Variants in WDPCP observed in about 807,000 individuals in gnomAD.
The protein encoded by WDPCP is WD repeat-containing and planar cell polarity effector protein fritz homolog.
Under a neutral mutation model 93.1 loss-of-function variants are expected in WDPCP, and 71 were observed. The ratio of observed to expected loss-of-function variants is 0.76; its 90% CI spans 0.63 to 0.93. WDPCP has a LOEUF of 0.93. Among genes scored for constraint, WDPCP ranks in the 40% least tolerant of loss-of-function variants. WDPCP has a pLI of 0.00. For missense variants in WDPCP, 844 were observed against 887.4 expected (o/e 0.95, Z 0.62); for synonymous variants, 315 against 315.0 (o/e 1.00, Z 0.00).
intron 1 of WDPCP, among the ~76,000 whole-genome samples, chr2:63,522,191 A>AC (rs892065850): frequency 2.8e-5 from 4 of 143,644 alleles, no homozygotes; most frequent in African/African-American, 7.8e-5. Context: ...CTAGCCCCCC[A>AC]CCCCCCGGCA....
chr2:63,134,983 T>C (rs1225174842), intron 17 of WDPCP, among the ~76,000 whole-genome samples: 5 of 151,964 alleles, frequency 3.3e-5, no homozygotes, highest in African/African-American at 7.3e-5. Context: ...ATTAGCCAGG[T>C]GTGGTGGCAC....
chr2:63,763,461 C>T (rs1052658519), intron 2 of WDPCP, among the ~76,000 whole-genome samples: 1 of 149,188 alleles, frequency 6.7e-6, no homozygotes, highest in African/African-American at 2.5e-5. Context: ...GAGATTGCGC[C>T]ACTGCATTCC....
At chr2:63,676,880 T>C (rs560231053) in intron 2 of WDPCP, among the ~76,000 whole-genome samples, 1 of 152,184 alleles carries the variant, frequency 6.6e-6, no homozygotes, top group African/African-American at 2.4e-5. Context: ...CCAATGTTCG[T>C]TTTTTGGTTT....
intron 1 of WDPCP, among the ~76,000 whole-genome samples, chr2:63,822,996 A>G (rs1414353536): frequency 6.6e-6 from 1 of 151,616 alleles, no homozygotes; most frequent in Non-Finnish European, 1.5e-5. Flanking sequence ...TCTTTGAAAA[A>G]ATGGCACAAC....
intron 10 of WDPCP, among the ~76,000 whole-genome samples, chr2:63,388,602 A>C (rs982308836): frequency 3.3e-5 from 5 of 152,180 alleles, no homozygotes; most frequent in Non-Finnish European, 5.9e-5. Context: ...AAACTTCTCC[A>C]AGCTAAAGGA....
chr2:63,314,970 T>C (rs541919301), intron 12 of WDPCP, among the ~76,000 whole-genome samples: 13 of 152,276 alleles, frequency 8.5e-5, no homozygotes, highest in Middle Eastern at 3.4e-3. Flanking sequence ...AGACAGTAGA[T>C]GGTAATGATA....
intron 1 of WDPCP, among the ~76,000 whole-genome samples, chr2:63,576,788 A>C (rs948641242): frequency 1.3e-5 from 2 of 152,090 alleles, no homozygotes; most frequent in Non-Finnish European, 2.9e-5. Flanking sequence ...AACACTTATC[A>C]CTTTAGAGAT....
intron 2 of WDPCP, among the ~76,000 whole-genome samples, chr2:63,656,484 T>C (rs1469401941): frequency 1.3e-5 from 2 of 152,302 alleles, no homozygotes; most frequent in East Asian, 3.9e-4. Flanking sequence ...GGAAACTGAC[T>C]GGAAGCCAGA....
intron 2 of WDPCP, among the ~76,000 whole-genome samples, chr2:63,704,236 C>G (rs1450713986): frequency 6.6e-6 from 1 of 152,202 alleles, no homozygotes; most frequent in African/African-American, 2.4e-5. Context: ...ATAATCATGT[C>G]ATCTGCAAAC....
At chr2:63,464,519 G>A (rs1176461584) in intron 6 of WDPCP, among the ~76,000 whole-genome samples, 1 of 152,092 alleles carries the variant, frequency 6.6e-6, no homozygotes, top group Non-Finnish European at 1.5e-5. Flanking sequence ...ATGATCTAGT[G>A]ATCTCAATTC....
At chr2:63,309,397 T>TG (rs1211188886) in intron 13 of WDPCP, among the ~76,000 whole-genome samples, 1 of 152,156 alleles carries the variant, frequency 6.6e-6, no homozygotes, top group Non-Finnish European at 1.5e-5. Context: ...GGTGCATGCC[T>TG]GTAATCCCAG....
chr2:63,313,332 T>C lies in WDPCP; in HGVS notation c.1749-21A>G, dbSNP rs1285766512. On this transcript the variant is annotated intron_variant, in intron 12 of 17. Transcript: ENST00000272321. ...GGTACCTACAAGGCAGAAAAAAATA[T>C]TATGTTAGTTGTGAACAAGAATATA... The C allele has an allele frequency of 3.7e-6, 6 of 1,606,782 alleles. No individual in the cohort carries two copies. In the South Asian group the frequency reaches 5.5e-5, roughly 15 times the overall value.
intron 9 of WDPCP, among the ~76,000 whole-genome samples, chr2:63,416,511 AT>A (rs1207909201): frequency 9.3e-5 from 14 of 149,834 alleles, no homozygotes; most frequent in Non-Finnish European, 1.9e-4. Flanking sequence ...TGACATTAGC[AT>A]TAACACCAAA....
intron 13 of WDPCP, among the ~76,000 whole-genome samples, chr2:63,270,002 C>A (rs180972915): frequency 1.4e-4 from 21 of 152,176 alleles, no homozygotes; most frequent in Admixed American, 1.4e-3. Flanking sequence ...GGAAAAATAT[C>A]GTTTCTAATG....
chr2:63,594,432 GAT>G, intron 3 of WDPCP: 2 of 1,245,498 alleles, frequency 1.6e-6, no homozygotes, highest in Non-Finnish European at 2.4e-6. Flanking sequence ...TAAAATCCTG[GAT>G]ATTTTTAAGG....
chr2:63,312,511 A>T (rs969739218), intron 13 of WDPCP, among the ~76,000 whole-genome samples: 14 of 152,222 alleles, frequency 9.2e-5, no homozygotes, highest in African/African-American at 3.1e-4. Flanking sequence ...ACCTTCTAGA[A>T]GTATTTCTTC....
At chr2:63,622,849 G>T in intron 3 of WDPCP, 2 of 1,594,148 alleles carry the variant, frequency 1.3e-6, no homozygotes, top group Non-Finnish European at 1.7e-6. Context: ...GCCGAAGTGG[G>T]CTCAGCACCC....
At chr2:63,197,625 T>C (rs1019502866) in intron 14 of WDPCP, among the ~76,000 whole-genome samples, 1 of 152,256 alleles carries the variant, frequency 6.6e-6, no homozygotes, top group Admixed American at 6.5e-5. Context: ...AGGGTACTTA[T>C]GGAAGCTTGT....
chr2:63,697,016 C>T (rs1330946346), intron 2 of WDPCP, among the ~76,000 whole-genome samples: 3 of 152,196 alleles, frequency 2.0e-5, no homozygotes, highest in Non-Finnish European at 4.4e-5. Context: ...AAAAGCAGAA[C>T]ACTCTATTCA....
Sources: gnomAD v4.1 joint callset for allele counts (sites outside exome capture counted in the v4.1 genomes callset) on GRCh38, gnomAD v4.1.1 for gene constraint, MANE v1.5 for transcripts, NCBI Gene and HGNC (gene_info 2026-07-23, HGNC 2026-07-21) for gene names.